The following SLC44A5 variants were observed in gnomAD, a reference collection of about 807,000 sequenced individuals.
The protein encoded by SLC44A5 is choline transporter-like protein 5.
SLC44A5 carries 57 observed loss-of-function variants against 101.8 expected under a neutral mutation model. The ratio of observed to expected loss-of-function variants is 0.56; its 90% CI spans 0.45 to 0.70. The LOEUF (loss-of-function observed/expected upper bound fraction) is 0.70. SLC44A5 is among the 30% of genes least tolerant of loss of function. The pLI is 0.00. For synonymous variants in SLC44A5, 281 were observed against 290.9 expected (o/e 0.97, Z 0.35); for missense variants, 737 against 853.1 (o/e 0.86, Z 1.70).
At chr1:75,674,628 A>C in the SLC44A5 span, among the ~76,000 whole-genome samples, 2 of 1,366 alleles carry the variant, frequency 1.5e-3, no homozygotes, top group Non-Finnish European at 4.9e-3. Flanking sequence ...GATCCCCCCC[A>C]ACCTCAGCCT....
intron 3 of SLC44A5, among the ~76,000 whole-genome samples, chr1:75,389,905 C>T (rs1913124): frequency 0.63 from 96,169 of 151,904 alleles, 32,092 homozygotes; most frequent in East Asian, 0.96. Context: ...AAACAAATAA[C>T]GCCAATAGAC....
At chr1:75,358,798 T>A (rs1012198758) in intron 3 of SLC44A5, among the ~76,000 whole-genome samples, 3 of 152,196 alleles carry the variant, frequency 2.0e-5, no homozygotes, top group African/African-American at 7.2e-5. Flanking sequence ...GTAGAATGAT[T>A]CAATCAAGCT....
intron 1 of SLC44A5, among the ~76,000 whole-genome samples, chr1:75,563,588 A>G (rs1203682267): frequency 6.6e-6 from 1 of 152,124 alleles, no homozygotes; most frequent in Non-Finnish European, 1.5e-5. Context: ...ACCTTAAAAT[A>G]AATTATACAG....
intron 2 of SLC44A5, among the ~76,000 whole-genome samples, chr1:75,454,253 T>A (rs947171388): frequency 6.6e-6 from 1 of 151,958 alleles, no homozygotes; most frequent in African/African-American, 2.4e-5. Context: ...CATGCGCAAA[T>A]CAATAAATGT....
intron 6 of SLC44A5, among the ~76,000 whole-genome samples, chr1:75,258,856 C>A (rs973464776): frequency 9.2e-5 from 14 of 151,944 alleles, no homozygotes; most frequent in African/African-American, 3.4e-4. Context: ...GGCCATTCTG[C>A]GATTCTGCCA....
intron 1 of SLC44A5, among the ~76,000 whole-genome samples, chr1:75,597,520 A>G (rs1674712687): frequency 6.6e-6 from 1 of 152,208 alleles, no homozygotes; most frequent in Non-Finnish European, 1.5e-5. Flanking sequence ...GTAAAGCTGG[A>G]GGCATCATGC....
chr1:75,208,732 T>C (rs980712176), intron 23 of SLC44A5, among the ~76,000 whole-genome samples: 4 of 152,164 alleles, frequency 2.6e-5, no homozygotes, highest in African/African-American at 9.7e-5. Flanking sequence ...ATATAACATA[T>C]CTATCTTGTT....
chr1:75,258,545 A>G lies in SLC44A5; in HGVS notation c.261-7251T>C, dbSNP rs557654764. Among the ~76,000 whole-genome samples, 6 of 152,180 alleles carry G rather than the reference A, an allele frequency of 3.9e-5. No individual in the cohort carries two copies. The South Asian group carries it at 1.2e-3, about 32-fold the overall frequency. On this transcript the variant is annotated intron_variant, in intron 6 of 23. Transcript: ENST00000370859. ...GCCCCAGTCAGGGACTTACAGATAA[A>G]ACCCCCAACTCCCTGGGACAGAGCA...
chr1:75,628,555 T>C, the SLC44A5 span, among the ~76,000 whole-genome samples: 5 of 152,198 alleles, frequency 3.3e-5, no homozygotes, highest in Non-Finnish European at 7.3e-5. Flanking sequence ...GTTTCGATAT[T>C]GGATTTCAGC....
At chr1:75,656,951 C>G in the SLC44A5 span, among the ~76,000 whole-genome samples, 3 of 152,080 alleles carry the variant, frequency 2.0e-5, no homozygotes, top group African/African-American at 7.2e-5. Context: ...GAGTTCGAGA[C>G]CAGCCTGGCC....
intron 2 of SLC44A5, among the ~76,000 whole-genome samples, chr1:75,437,223 G>T (rs908926614): frequency 2.0e-5 from 3 of 152,094 alleles, no homozygotes; most frequent in Non-Finnish European, 2.9e-5. Flanking sequence ...ACTGTCCATA[G>T]TTGTATGTGC....
chr1:75,402,731 C>T (rs972331811), intron 2 of SLC44A5, among the ~76,000 whole-genome samples: 2 of 152,090 alleles, frequency 1.3e-5, no homozygotes, highest in African/African-American at 2.4e-5. Flanking sequence ...CACCACCACA[C>T]CACCAGGGCC....
At chr1:75,659,602 C>T in the SLC44A5 span, among the ~76,000 whole-genome samples, 2 of 90,270 alleles carry the variant, frequency 2.2e-5, no homozygotes, top group Admixed American at 1.5e-4. Context: ...CCAGCCTTGG[C>T]AACATTGCAA....
the SLC44A5 span, among the ~76,000 whole-genome samples, chr1:75,638,440 A>G: frequency 1.3e-5 from 2 of 152,118 alleles, no homozygotes; most frequent in Admixed American, 6.6e-5. Context: ...AAAATGAAAT[A>G]AAACCTGCAA....
the SLC44A5 span, among the ~76,000 whole-genome samples, chr1:75,676,313 T>C: frequency 6.6e-6 from 1 of 152,142 alleles, no homozygotes; most frequent in Non-Finnish European, 1.5e-5. Context: ...CCATCAATGA[T>C]AGACTCAATA....
chr1:75,273,501 T>C (rs1470415007), intron 6 of SLC44A5, among the ~76,000 whole-genome samples: 3 of 152,172 alleles, frequency 2.0e-5, no homozygotes, highest in Non-Finnish European at 4.4e-5. Context: ...TAGTATGATC[T>C]TGGCTGTGGG....
chr1:75,380,429 G>C (rs1200875322), intron 3 of SLC44A5, among the ~76,000 whole-genome samples: 1 of 84,066 alleles, frequency 1.2e-5, no homozygotes, highest in Non-Finnish European at 2.1e-5. Flanking sequence ...CCAGGAGACA[G>C]GATTGCTCAA....
intron 6 of SLC44A5, among the ~76,000 whole-genome samples, chr1:75,272,129 A>G (rs1651529729): frequency 6.6e-6 from 1 of 151,852 alleles, no homozygotes; most frequent in African/African-American, 2.4e-5. Context: ...AGAAATGTCT[A>G]TTCATGTCCT....
the SLC44A5 span, among the ~76,000 whole-genome samples, chr1:75,669,691 T>A: frequency 3.3e-5 from 5 of 151,828 alleles, no homozygotes; most frequent in Admixed American, 6.6e-5. Context: ...CCACCACACA[T>A]ACACACACAA....
Sources: allele counts gnomAD v4.1 joint callset (sites outside exome capture counted in the v4.1 genomes callset), GRCh38; gene constraint gnomAD v4.1.1; transcripts MANE v1.5; gene names NCBI Gene and HGNC (gene_info 2026-07-23, HGNC 2026-07-21).